LRRTM4: variants seen among roughly 807,000 people sequenced by gnomAD.
The protein encoded by LRRTM4 is leucine-rich repeat transmembrane neuronal protein 4.
LRRTM4 carries 25 observed loss-of-function variants against 47.6 expected under a neutral mutation model. The observed-to-expected ratio is 0.53, with a 90% confidence interval of 0.38 to 0.73. The LOEUF is 0.73. Among genes scored for constraint, LRRTM4 ranks in the 30% least tolerant of loss-of-function variants. The probability of loss-of-function intolerance (pLI) is 0.00; values close to 1 mark genes in which losing one functional copy is unlikely to be tolerated. For synonymous variants in LRRTM4, 311 were observed against 269.5 expected (o/e 1.15, Z -1.51); for missense variants, 638 against 713.4 (o/e 0.89, Z 1.20).
chr2:76,827,313 A>C (rs1182540591), intron 3 of LRRTM4, among the ~76,000 whole-genome samples: 1 of 151,826 alleles, frequency 6.6e-6, no homozygotes, highest in African/African-American at 2.4e-5. Flanking sequence ...ATGAAGAGAA[A>C]GATTTGGGGT....
chr2:77,111,283 A>ATTTTTTTTTT (rs71381260), intron 3 of LRRTM4, among the ~76,000 whole-genome samples: 7 of 113,162 alleles, frequency 6.2e-5, no homozygotes, highest in Admixed American at 9.4e-5. Flanking sequence ...ACACCTGGCT[A>ATTTTTTTTTT]TTTTTTTTTT....
At chr2:77,096,385 T>C (rs938115383) in intron 3 of LRRTM4, among the ~76,000 whole-genome samples, 2 of 151,652 alleles carry the variant, frequency 1.3e-5, no homozygotes, top group East Asian at 3.9e-4. Context: ...AAATTTTCAG[T>C]AAAGGATCTA....
At chr2:77,064,764 G>A (rs1679899824) in intron 3 of LRRTM4, among the ~76,000 whole-genome samples, 1 of 152,024 alleles carries the variant, frequency 6.6e-6, no homozygotes, top group Admixed American at 6.5e-5. Context: ...CACCTCTTTT[G>A]GGGAAAATAT....
chr2:76,877,906 A>G (rs568002229), intron 3 of LRRTM4, among the ~76,000 whole-genome samples: 3 of 146,084 alleles, frequency 2.1e-5, no homozygotes, highest in Non-Finnish European at 4.6e-5. Flanking sequence ...AAAAAATAAG[A>G]AAGAAGAAGG....
intron 3 of LRRTM4, among the ~76,000 whole-genome samples, chr2:77,262,073 C>T (rs185819816): frequency 6.6e-6 from 1 of 152,186 alleles, no homozygotes; most frequent in Non-Finnish European, 1.5e-5. Context: ...TGCAAAGGAT[C>T]TAGGTTGCAC....
At chr2:77,014,172 T>C in intron 3 of LRRTM4, among the ~76,000 whole-genome samples, 1 of 151,928 alleles carries the variant, frequency 6.6e-6, no homozygotes, top group East Asian at 1.9e-4. Flanking sequence ...AGAGGGCGGA[T>C]CAAGAGGAGT....
intron 3 of LRRTM4, among the ~76,000 whole-genome samples, chr2:76,941,067 C>A (rs993577138): frequency 6.6e-6 from 1 of 151,428 alleles, no homozygotes. Flanking sequence ...TGTCTTTCAA[C>A]AGAATATGAG....
At chr2:76,784,009 T>TA (rs1674535493) in intron 3 of LRRTM4, among the ~76,000 whole-genome samples, 3 of 152,166 alleles carry the variant, frequency 2.0e-5, no homozygotes, top group Non-Finnish European at 2.9e-5. Context: ...TACTTGAATT[T>TA]TCTATGTTTT....
At chr2:76,751,886 CTGG>C (rs1672862142) in intron 3 of LRRTM4, among the ~76,000 whole-genome samples, 1 of 152,140 alleles carries the variant, frequency 6.6e-6, no homozygotes, top group Non-Finnish European at 1.5e-5. Flanking sequence ...CTCTTGTTAA[CTGG>C]TGAAGTAACA....
At chr2:77,016,931 T>C (rs1236945128) in intron 3 of LRRTM4, among the ~76,000 whole-genome samples, 2 of 152,076 alleles carry the variant, frequency 1.3e-5, no homozygotes, top group African/African-American at 4.8e-5. Context: ...AGCAGCACTC[T>C]ATTTGCCTGT....
intron 3 of LRRTM4, among the ~76,000 whole-genome samples, chr2:77,419,742 A>G (rs1311887470): frequency 6.6e-6 from 1 of 152,170 alleles, no homozygotes; most frequent in East Asian, 1.9e-4. Context: ...TGGACATTTC[A>G]TAATAAACTT....
intron 3 of LRRTM4, among the ~76,000 whole-genome samples, chr2:76,801,526 A>T (rs1457485631): frequency 1.3e-5 from 2 of 151,778 alleles, no homozygotes; most frequent in East Asian, 3.9e-4. Flanking sequence ...GTGTGGGGGG[A>T]GGGGGAAGGG....
chr2:77,411,190 C>T (rs1035317164), intron 3 of LRRTM4, among the ~76,000 whole-genome samples: 3 of 152,042 alleles, frequency 2.0e-5, no homozygotes, highest in African/African-American at 7.2e-5. Context: ...TTCGCCTGGT[C>T]CCTCACACAA....
In LRRTM4 at chr2:77,411,222, T is replaced by C. The variant is rs1182669276; in HGVS notation, c.1551+107096A>G. 2.0e-5 allele frequency among the ~76,000 whole-genome samples: 3 copies of C among 152,106 alleles called. No individual in the cohort carries two copies. The South Asian group carries it at 6.2e-4, about 32-fold the overall frequency. On this transcript the variant is annotated intron_variant, in intron 3 of 3. Coordinates refer to ENST00000409884, the MANE Select transcript of LRRTM4 (RefSeq NM_001134745.3). ...ACAAGAGTCCACTGGCAGTCTACCTTATAGCCTTAATCTTCTTTGTGTCCC... is the reference window on the plus strand; with the variant it reads ...ACAAGAGTCCACTGGCAGTCTACCTCATAGCCTTAATCTTCTTTGTGTCCC...
intron 3 of LRRTM4, among the ~76,000 whole-genome samples, chr2:77,437,094 G>C (rs1031375044): frequency 6.6e-6 from 1 of 152,016 alleles, no homozygotes; most frequent in African/African-American, 2.4e-5. Context: ...TAGTGAATTT[G>C]CTAAGGGTAG....
At chr2:77,434,804 A>G (rs1198519074) in intron 3 of LRRTM4, among the ~76,000 whole-genome samples, 2 of 152,192 alleles carry the variant, frequency 1.3e-5, no homozygotes, top group African/African-American at 4.8e-5. Flanking sequence ...AATCAGAAAT[A>G]AAATTCAAAT....
intron 3 of LRRTM4, among the ~76,000 whole-genome samples, chr2:77,298,925 T>C (rs1677046830): frequency 1.3e-5 from 2 of 152,150 alleles, no homozygotes; most frequent in African/African-American, 2.4e-5. Flanking sequence ...TGACAAATAT[T>C]TACTATTGAT....
intron 3 of LRRTM4, among the ~76,000 whole-genome samples, chr2:77,018,028 T>G (rs1452401138): frequency 6.6e-6 from 1 of 151,908 alleles, no homozygotes; most frequent in Non-Finnish European, 1.5e-5. Context: ...TGCGCATGTT[T>G]AGATCAATAT....
At chr2:77,443,499 T>C (rs1287517595) in intron 3 of LRRTM4, among the ~76,000 whole-genome samples, 1 of 152,140 alleles carries the variant, frequency 6.6e-6, no homozygotes, top group Non-Finnish European at 1.5e-5. Flanking sequence ...ATAAATAAAA[T>C]GCTAGTCCAA....
Sources: gnomAD v4.1 joint callset for allele counts (sites outside exome capture counted in the v4.1 genomes callset) on GRCh38, gnomAD v4.1.1 for gene constraint, MANE v1.5 for transcripts, NCBI Gene and HGNC (gene_info 2026-07-23, HGNC 2026-07-21) for gene names.